The following CGB7 variants were observed in gnomAD, a reference collection of about 807,000 sequenced individuals.
CGB7 encodes chorionic gonadotropin subunit beta 7, also known as choriogonadotropin subunit beta 7.
In CGB7, 6 loss-of-function variants were observed where a neutral mutation model predicts 7.3. That is an observed-to-expected ratio of 0.82 (90% CI 0.45 to 1.62). The LOEUF is 1.62. Among genes scored for constraint, CGB7 ranks in the 40% most tolerant of loss-of-function variants. CGB7 has a pLI of 0.01. For missense variants in CGB7, 114 were observed against 236.2 expected (o/e 0.48, Z 3.39); for synonymous variants, 47 against 100.8 (o/e 0.47, Z 3.20).
intron 2 of CGB7, 65 bp downstream of exon 2, chr19:49,057,056 C>G: frequency 6.7e-7 from 1 of 1,497,158 alleles, no homozygotes; most frequent in Non-Finnish European, 9.0e-7. Context: ...AGCCCAGGGG[C>G]TCGGCGTGCA....
In CGB7 at chr19:49,054,951, G is replaced by C; in HGVS notation, c.73C>G (p.Leu25Val). 1.3e-6 allele frequency: 2 copies of C among 1,496,814 alleles called. No individual in the cohort carries two copies. Among genetic ancestry groups the C allele is most frequent in the Non-Finnish European group, 1.8e-6 (2 of 1,090,436 alleles). 92.7% of individuals were successfully genotyped at this position (1,496,814 alleles called of 1,614,324 possible). A position where few individuals can be genotyped will look rare whatever the true frequency, so the allele number is the denominator to read the frequency against. Residue 25 changes from leucine to valine, a missense_variant, in exon 4 of 5, where the codon CTT (leucine) becomes GTT (valine). Coordinates refer to ENST00000684222, the MANE Select transcript of CGB7 (RefSeq NM_001385261.1). ...TTGATGGGGCGGCACCGTGGCCGAA[G>C]CATCTCCCTGGATGCCCATGTCCCG... ...MGGTWASREMLRPRCRPINAT... is the reference protein window; with the variant it reads ...MGGTWASREMVRPRCRPINAT...
In CGB7 at chr19:49,054,322, C is replaced by A. The variant is rs1282938672; in HGVS notation, c.467G>T (p.Gly156Val). 1.9e-6 allele frequency: 3 copies of A among 1,609,008 alleles called. No homozygotes were observed. The highest frequency in any genetic ancestry group is 4.5e-5 in the East Asian group (2 of 44,794). Reference sequence around the variant, plus strand: ...TGGGAGGATCGGGGTGTCTGAGGGCCCCGGGAGTCGGGATGGACTTGGAAG... The same window carrying A: ...TGGGAGGATCGGGGTGTCTGAGGGCACCGGGAGTCGGGATGGACTTGGAAG... ...PSLPSPSRLP[G>V]PSDTPILPQ The change falls in exon 5 of 5, where the codon GGG becomes GTG. Residue 156 changes from glycine to valine, a missense_variant. Gly to Val is a moderately radical substitution (Grantham distance 109). Coordinates refer to ENST00000684222, the MANE Select transcript of CGB7 (RefSeq NM_001385261.1).
chr19:49,055,693 G>C lies in CGB7; in HGVS notation c.-318C>G, dbSNP rs1241465477. The stretch of plus-strand genomic sequence containing the variant: ...AGGAAGGCCTGCCTCTGCCTATGGT[G>C]GGGTCTTGGGAACCAGGAGGAGGCC... On this transcript the variant is annotated 5_prime_UTR_variant, in exon 3 of 5. Coordinates refer to ENST00000684222, the MANE Select transcript of CGB7 (RefSeq NM_001385261.1). 1 of 1,313,430 alleles carries C rather than the reference G, an allele frequency of 7.6e-7. No homozygotes were observed. The highest frequency in any genetic ancestry group is 1.5e-5 in the African/African-American group (1 of 67,484). The allele number at this position is 1,313,430 out of a possible 1,614,324, so 81.4% of individuals were successfully genotyped here.
At chr19:49,055,111 C>T in intron 3 of CGB7, 103 bp from the exon 4 acceptor site, 9 of 1,589,336 alleles carry the variant, frequency 5.7e-6, no homozygotes, top group Non-Finnish European at 7.7e-6. Context: ...AGAGACCCTT[C>T]CCGGCATCTC....
chr19:49,056,307 T>C lies in CGB7; in HGVS notation c.-932A>G. 2 of 1,293,142 alleles carry C rather than the reference T, an allele frequency of 1.5e-6. No individual in the cohort carries two copies. The highest frequency in any genetic ancestry group is 1.2e-5 in the South Asian group (1 of 81,852). 80.1% of individuals were successfully genotyped at this position (1,293,142 alleles called of 1,614,324 possible). ...GGCTTACAGCGGCCTGAGCGGGAGT[T>C]CTCGGTGCTGTAGGCTTTCGGGACG... is the stretch of plus-strand genomic sequence containing the variant. On this transcript the variant is annotated 5_prime_UTR_variant, in exon 3 of 5. Coordinates refer to ENST00000684222, the MANE Select transcript of CGB7 (RefSeq NM_001385261.1).
rs1568405501 is a variant in CGB7 at position 49,056,302 on chromosome 19, G to A, written c.-927C>T. The A allele has an allele frequency of 7.7e-7, 1 of 1,292,902 alleles. No homozygotes were observed. Among genetic ancestry groups the A allele is most frequent in the Non-Finnish European group, 1.0e-6 (1 of 990,776 alleles). The allele number at this position is 1,292,902 out of a possible 1,614,324, so 80.1% of individuals were successfully genotyped here. A position where few individuals can be genotyped will look rare whatever the true frequency, so the allele number is the denominator to read the frequency against. On this transcript the variant is annotated 5_prime_UTR_variant, in exon 3 of 5. Transcript: ENST00000684222. ...GCCCCGGCTTACAGCGGCCTGAGCG[G>A]GAGTTCTCGGTGCTGTAGGCTTTCG... is the stretch of plus-strand genomic sequence containing the variant.
chr19:49,054,858 C>T lies in CGB7; in HGVS notation c.166G>A (p.Gly56Ser). The T allele has an allele frequency of 2.5e-6, 4 of 1,587,492 alleles. No homozygotes were observed. The highest frequency in any genetic ancestry group is 1.1e-5 in the South Asian group (1 of 90,268). ...CAGCTCACCATGGTGGGGCAGTAGC[C>T]GGCACAGATGGTGGTGTTGACGGTG... Reference protein sequence around the residue: ...CITVNTTICAGYCPTMTRVLQ... With the variant: ...CITVNTTICASYCPTMTRVLQ... The change falls in exon 4 of 5, where the codon GGC becomes AGC. Residue 56 changes from glycine (G) to serine (S), a missense_variant. Gly to Ser is a moderately conservative substitution (Grantham distance 56). This residue lies in a region of CGB7 where 58 missense variants were observed against 91.7 expected (regional missense o/e 0.63). Transcript: ENST00000684222.
rs751655312 is a variant in CGB7, at chr19:49,055,385, G to T, written c.-10C>A. 1.6e-5 allele frequency: 26 copies of T among 1,613,358 alleles called. No individual in the cohort carries two copies. Among genetic ancestry groups the T allele is most frequent in the Non-Finnish European group, 1.9e-5 (23 of 1,179,772 alleles). On this transcript the variant is annotated 5_prime_UTR_variant, in exon 3 of 5. Coordinates refer to ENST00000684222, the MANE Select transcript of CGB7 (RefSeq NM_001385261.1). ...CCTGGAACATCTCCATCCTTGGTGC[G>T]TCCCCTGCCTGGTGTACCTGGCTTT...
chr19:49,055,511 A>C lies in CGB7; in HGVS notation c.-136T>G, dbSNP rs1167444233. 1 of 1,593,848 alleles carries C rather than the reference A, an allele frequency of 6.3e-7. No homozygotes were observed. Among genetic ancestry groups the C allele is most frequent in the Non-Finnish European group, 8.6e-7 (1 of 1,168,748 alleles). Reference sequence around the variant, plus strand: ...CGGGGGGCGAGAAGTAGACAAGGCCAGGGAGGCACAGGAGTGGCTCAGCGG... The same window carrying C: ...CGGGGGGCGAGAAGTAGACAAGGCCCGGGAGGCACAGGAGTGGCTCAGCGG... On this transcript the variant is annotated 5_prime_UTR_variant, in exon 3 of 5. Coordinates refer to ENST00000684222, the MANE Select transcript of CGB7 (RefSeq NM_001385261.1).
At chr19:49,057,408 C>T in intron 1 of CGB7, 54 bp downstream of exon 1, 1 of 1,395,316 alleles carries the variant, frequency 7.2e-7, no homozygotes, top group Non-Finnish European at 9.3e-7. Context: ...TCCTGCCACC[C>T]ACGCCAGGGA....
At position 49,054,310 on chromosome 19, in the gene CGB7, G is replaced by T. The variant is rs555794505; in HGVS notation, c.479C>A (p.Thr160Asn). The change falls in exon 5 of 5, where the codon ACC becomes AAC. Residue 160 changes from threonine to asparagine, a missense_variant. Transcript: ENST00000684222. ...SPSRLPGPSDTPILPQ is the reference protein window; with the variant it reads ...SPSRLPGPSDNPILPQ The stretch of plus-strand genomic sequence containing the variant: ...AAGCCTTTATTGTGGGAGGATCGGG[G>T]TGTCTGAGGGCCCCGGGAGTCGGGA... 8 of 1,601,772 alleles carry T rather than the reference G, an allele frequency of 5.0e-6. No homozygotes were observed. In the African/African-American group the frequency reaches 6.7e-5, roughly 13 times the overall value.
chr19:49,055,006 C>T lies in CGB7; in HGVS notation c.18G>A (p.Gly6=). Residue 6 remains glycine (G), a splice_region_variant and synonymous_variant, in exon 4 of 5, where the codon GGG becomes GGA. Transcript: ENST00000684222. The part of the protein sequence containing the change: MEMFQ[G]LLLLLLLSMG... ...TGCTCAGCAGCAGCAACAGCAGCAG[C>T]CCCTGGGACAAGGACACTGCTTCAC... 6.2e-7 allele frequency: 1 copy of T among 1,601,950 alleles called. No individual in the cohort carries two copies.
Position 49,056,431 on chromosome 19 carries a change from G to T in CGB7, c.-1056C>A, listed in dbSNP as rs765532659. On this transcript the variant is annotated 5_prime_UTR_variant, in exon 3 of 5. It introduces an in-frame stop codon into an upstream open reading frame of the 5' UTR. Coordinates refer to ENST00000684222, the MANE Select transcript of CGB7 (RefSeq NM_001385261.1). ...GGCGGAGCGGGTGCGGCGAGGAGCTGTAGGTTTCCTGAGCCGGAGACATGG... is the reference window on the plus strand; with the variant it reads ...GGCGGAGCGGGTGCGGCGAGGAGCTTTAGGTTTCCTGAGCCGGAGACATGG... 7.7e-7 allele frequency: 1 copy of T among 1,298,016 alleles called. No individual in the cohort carries two copies. Among genetic ancestry groups the T allele is most frequent in the Admixed American group, 2.3e-5 (1 of 43,936 alleles). The allele number at this position is 1,298,016 out of a possible 1,614,324, so 80.4% of individuals were successfully genotyped here.
chr19:49,054,822 C>G lies in CGB7; in HGVS notation c.183+19G>C. The G allele has an allele frequency of 6.4e-7, 1 of 1,571,248 alleles. No homozygotes were observed. The highest frequency in any genetic ancestry group is 1.1e-5 in the South Asian group (1 of 88,808). ...TGGCCCTGAGGTGGCAGCACCTGCC[C>G]GGGCCCCGGGCAGCTCACCATGGTG... On this transcript the variant is annotated intron_variant, in intron 4 of 4. Transcript: ENST00000684222.
chr19:49,057,379 G>C, intron 1 of CGB7, 83 bp downstream of exon 1: 1 of 1,421,858 alleles, frequency 7.0e-7, no homozygotes, highest in Non-Finnish European at 9.2e-7. Flanking sequence ...CTCACACCCC[G>C]CCCCAGGGTC....
At chr19:49,055,112 C>G (rs545108553) in intron 3 of CGB7, 104 bp from the exon 4 acceptor site, 85 of 1,589,396 alleles carry the variant, frequency 5.3e-5, no homozygotes, top group African/African-American at 3.2e-4. Context: ...GAGACCCTTC[C>G]CGGCATCTCC....
rs1432414335 is a variant in CGB7 at position 49,056,378 on chromosome 19, G to T, written c.-1003C>A. The T allele has an allele frequency of 1.5e-6, 2 of 1,295,480 alleles. No individual in the cohort carries two copies. The highest frequency in any genetic ancestry group is 2.0e-6 in the Non-Finnish European group (2 of 992,348). The allele number at this position is 1,295,480 out of a possible 1,614,324, so 80.2% of individuals were successfully genotyped here. On this transcript the variant is annotated 5_prime_UTR_variant, in exon 3 of 5. Coordinates refer to ENST00000684222, the MANE Select transcript of CGB7 (RefSeq NM_001385261.1). ...CTTCCAGTGGGGGCCACCCCAAGTC[G>T]CCTCCAGCGGGCGGAAGCGGTCGAG...
At position 49,055,251 on chromosome 19, in the gene CGB7, C is replaced by T. The variant is rs899095393; in HGVS notation, c.15+110G>A. The T allele has an allele frequency of 5.0e-5, 81 of 1,604,352 alleles. 2 individuals carry two copies. Among genetic ancestry groups the T allele is most frequent in the Non-Finnish European group, 6.4e-5 (75 of 1,175,262 alleles). ...CCCACGTGAAGCTTATTGGGGGTCACGCTCCTCCAGAAAGAGGCGTCCTTC... is the reference window on the plus strand; with the variant it reads ...CCCACGTGAAGCTTATTGGGGGTCATGCTCCTCCAGAAAGAGGCGTCCTTC... On this transcript the variant is annotated intron_variant, in intron 3 of 4. Coordinates refer to ENST00000684222, the MANE Select transcript of CGB7 (RefSeq NM_001385261.1).
chr19:49,056,522 T>G lies in CGB7; in HGVS notation c.-1147A>C. 7.7e-7 allele frequency: 1 copy of G among 1,303,126 alleles called. No individual in the cohort carries two copies. Among genetic ancestry groups the G allele is most frequent in the Non-Finnish European group, 1.0e-6 (1 of 998,094 alleles). 80.7% of individuals were successfully genotyped at this position (1,303,126 alleles called of 1,614,324 possible). A position where few individuals can be genotyped will look rare whatever the true frequency, so the allele number is the denominator to read the frequency against. ...CAGGGCTGCCGCTGCGGGTCGTGAC[T>G]CCAGAGTTGGGGCGTCTCTTCTAAG... On this transcript the variant is annotated 5_prime_UTR_variant, in exon 3 of 5. Transcript: ENST00000684222.
Sources: allele counts gnomAD v4.1 joint callset, GRCh38; gene constraint gnomAD v4.1.1; regional missense constraint gnomAD v4.1.1; transcripts MANE v1.5; gene names NCBI Gene and HGNC (gene_info 2026-07-23, HGNC 2026-07-21).